Variants in MAP2 observed in about 807,000 individuals in gnomAD.
MAP2 encodes microtubule associated protein 2, also known as microtubule-associated protein 2.
A neutral mutation model predicts 137.6 loss-of-function variants in MAP2; 14 were observed. That is an observed-to-expected ratio of 0.10 (90% CI 0.07 to 0.16). MAP2 has a LOEUF of 0.16. MAP2 is among the 10% of genes least tolerant of loss of function. The pLI is 1.00. For missense variants in MAP2, 2,088 were observed against 2,191.5 expected (o/e 0.95, Z 0.94); for synonymous variants, 786 against 782.3 (o/e 1.00, Z -0.08).
At chr2:209,441,957 G>A (rs899203162) in intron 1 of MAP2, among the ~76,000 whole-genome samples, 1 of 151,542 alleles carries the variant, frequency 6.6e-6, no homozygotes, top group African/African-American at 2.4e-5. Flanking sequence ...GCACAATGTA[G>A]TCAGTCAGTG....
intron 4 of MAP2, among the ~76,000 whole-genome samples, chr2:209,649,384 G>A (rs757872084): frequency 9.2e-5 from 14 of 151,992 alleles, no homozygotes; most frequent in South Asian, 2.1e-4. Flanking sequence ...TATTACATCA[G>A]GAAGAAGAAA....
intron 1 of MAP2, among the ~76,000 whole-genome samples, chr2:209,439,137 A>C (rs1488649620): frequency 6.6e-6 from 1 of 151,488 alleles, no homozygotes; most frequent in African/African-American, 2.4e-5. Flanking sequence ...GAGGTTGGAG[A>C]GAATAAAATG....
In MAP2 at chr2:209,694,529, G is replaced by A; in HGVS notation, c.2359G>A (p.Glu787Lys). ...EESTQAEISC[E>K]SPFLAKDFYK... ...AAGTACTCAAGCGGAGATATCATGT[G>A]AGTCTCCTTTCCTAGCCAAAGATTT... Residue 787 changes from glutamate (E) to lysine (K), a missense_variant, in exon 8 of 16, where the codon GAG becomes AAG. Transcript: ENST00000682079. 3.1e-6 allele frequency: 5 copies of A among 1,614,080 alleles called. No homozygotes were observed. The highest frequency in any genetic ancestry group is 1.1e-5 in the South Asian group (1 of 91,064).
chr2:209,544,867 A>G (rs2067736978), intron 2 of MAP2, among the ~76,000 whole-genome samples: 1 of 152,232 alleles, frequency 6.6e-6, no homozygotes, highest in Non-Finnish European at 1.5e-5. Flanking sequence ...AATTACAGCA[A>G]GTACTTGATT....
intron 4 of MAP2, among the ~76,000 whole-genome samples, chr2:209,634,607 C>G (rs761207490): frequency 6.6e-6 from 1 of 152,050 alleles, no homozygotes; most frequent in African/African-American, 2.4e-5. Flanking sequence ...CACACCTAAT[C>G]GCAAGGGAAG....
At chr2:209,597,228 G>A (rs912909581) in intron 3 of MAP2, among the ~76,000 whole-genome samples, 1 of 151,886 alleles carries the variant, frequency 6.6e-6, no homozygotes, top group South Asian at 2.1e-4. Flanking sequence ...TGTTAATTGG[G>A]GTTTTTCCAT....
In MAP2 at chr2:209,694,267, C is replaced by G. The variant is rs769735396; in HGVS notation, c.2097C>G (p.Ser699Arg). 3 of 1,614,072 alleles carry G rather than the reference C, an allele frequency of 1.9e-6. No homozygotes were observed. The highest frequency in any genetic ancestry group is 1.1e-5 in the South Asian group (1 of 91,082). Residue 699 changes from serine to arginine, a missense_variant, in exon 8 of 16, where the codon AGC becomes AGG. By Grantham distance (110) the Ser-to-Arg change is moderately radical. Coordinates refer to ENST00000682079, the MANE Select transcript of MAP2 (RefSeq NM_001375505.1). The part of the protein sequence containing the change: ...LGGRSAIEQR[S>R]MSINLPMSCL... ...GTAGGTCTGCAATAGAACAAAGAAG[C>G]ATGTCAATCAATTTGCCGATGTCTT...
chr2:209,433,349 G>T (rs1232038391), intron 1 of MAP2, among the ~76,000 whole-genome samples: 1 of 152,072 alleles, frequency 6.6e-6, no homozygotes, highest in African/African-American at 2.4e-5. Flanking sequence ...GCTTTCAAGT[G>T]AGAGAGAGTA....
At chr2:209,623,950 G>A (rs960179227) in intron 3 of MAP2, among the ~76,000 whole-genome samples, 6 of 152,130 alleles carry the variant, frequency 3.9e-5, no homozygotes, top group Non-Finnish European at 5.9e-5. Context: ...TGCACATTGT[G>A]TGTAAATATT....
chr2:209,688,563 T>C (rs982874978), intron 7 of MAP2, among the ~76,000 whole-genome samples: 20 of 152,154 alleles, frequency 1.3e-4, no homozygotes, highest in African/African-American at 4.6e-4. Flanking sequence ...GGTGACTAAA[T>C]CTTGGCTCAC....
At chr2:209,594,676 A>G (rs1337241294) in intron 3 of MAP2, among the ~76,000 whole-genome samples, 1 of 152,160 alleles carries the variant, frequency 6.6e-6, no homozygotes, top group Non-Finnish European at 1.5e-5. Context: ...ATCATATTTC[A>G]TATTTTTTAC....
intron 14 of MAP2, among the ~76,000 whole-genome samples, chr2:209,729,276 G>A (rs1305426806): frequency 6.6e-6 from 1 of 152,134 alleles, no homozygotes; most frequent in Non-Finnish European, 1.5e-5. Context: ...TATATGAAAC[G>A]GGAGGCTTTT....
At chr2:209,644,528 G>A (rs1290866379) in intron 4 of MAP2, among the ~76,000 whole-genome samples, 1 of 152,068 alleles carries the variant, frequency 6.6e-6, no homozygotes, top group African/African-American at 2.4e-5. Context: ...GAACCTTTCT[G>A]TGTTTACCCT....
chr2:209,431,693 C>T (rs192180680), intron 1 of MAP2, among the ~76,000 whole-genome samples: 4 of 152,238 alleles, frequency 2.6e-5, no homozygotes, highest in Non-Finnish European at 4.4e-5. Context: ...TAAGAGGTGT[C>T]ACTGAAGACT....
intron 7 of MAP2, among the ~76,000 whole-genome samples, chr2:209,689,337 A>T (rs953342556): frequency 6.6e-6 from 1 of 152,024 alleles, no homozygotes; most frequent in Non-Finnish European, 1.5e-5. Context: ...TGAGGATATT[A>T]ATATTTCTAA....
Position 209,730,483 on chromosome 2 carries a change from T to G in MAP2, c.*86T>G. Reference sequence around the variant, plus strand: ...CTCTGAGCAGTTGTTATATTCATTCTTTATAAACCATAAAATAAATAATCT... The same window carrying G: ...CTCTGAGCAGTTGTTATATTCATTCGTTATAAACCATAAAATAAATAATCT... On this transcript the variant is annotated 3_prime_UTR_variant, in exon 16 of 16. Coordinates refer to ENST00000682079, the MANE Select transcript of MAP2 (RefSeq NM_001375505.1). The G allele has an allele frequency of 1.2e-6, 1 of 868,814 alleles. No individual in the cohort carries two copies. The highest frequency in any genetic ancestry group is 1.8e-6 in the Non-Finnish European group (1 of 552,462). 53.8% of individuals were successfully genotyped at this position (868,814 alleles called of 1,614,324 possible). A position where few individuals can be genotyped will look rare whatever the true frequency, so the allele number is the denominator to read the frequency against.
chr2:209,479,183 T>A (rs1269775984), intron 1 of MAP2, among the ~76,000 whole-genome samples: 1 of 152,150 alleles, frequency 6.6e-6, no homozygotes, highest in African/African-American at 2.4e-5. Flanking sequence ...GTTTCTCTTT[T>A]AAGATTGATC....
At chr2:209,488,431 GAC>G (rs1052668825) in intron 1 of MAP2, among the ~76,000 whole-genome samples, 11 of 152,238 alleles carry the variant, frequency 7.2e-5, no homozygotes, top group African/African-American at 2.6e-4. Flanking sequence ...AGGCCAGTGA[GAC>G]AGAACCATTC....
In MAP2 at chr2:209,730,659, G is replaced by T; in HGVS notation, c.*262G>T. 1 of 412,610 alleles carries T rather than the reference G, an allele frequency of 2.4e-6. No homozygotes were observed. The highest frequency in any genetic ancestry group is 4.4e-6 in the Non-Finnish European group (1 of 226,256). The allele number at this position is 412,610 out of a possible 1,614,324, so 25.6% of individuals were successfully genotyped here. A position where few individuals can be genotyped will look rare whatever the true frequency, so the allele number is the denominator to read the frequency against. On this transcript the variant is annotated 3_prime_UTR_variant, in exon 16 of 16. Coordinates refer to ENST00000682079, the MANE Select transcript of MAP2 (RefSeq NM_001375505.1). The stretch of plus-strand genomic sequence containing the variant: ...ATTTTTGCTCTGCTCTGTTTTGCAT[G>T]GAGTATTATTATTTTAAAAATTGCA...
Sources: gnomAD v4.1 joint callset for allele counts (sites outside exome capture counted in the v4.1 genomes callset) on GRCh38, gnomAD v4.1.1 for gene constraint, MANE v1.5 for transcripts, NCBI Gene and HGNC (gene_info 2026-07-23, HGNC 2026-07-21) for gene names.